LDLRAD3: variants seen among roughly 807,000 people sequenced by gnomAD.
LDLRAD3 encodes low-density lipoprotein receptor class A domain-containing protein 3.
In LDLRAD3, 20 loss-of-function variants were observed where a neutral mutation model predicts 29.4. The observed-to-expected ratio is 0.68, with a 90% CI of 0.48 to 0.99. The LOEUF is 0.99. Ranked by LOEUF, LDLRAD3 falls within the 50% of genes least tolerant of loss-of-function variation. The pLI is 0.00. For missense variants in LDLRAD3, 420 were observed against 454.3 expected (o/e 0.92, Z 0.69); for synonymous variants, 157 against 192.7 (o/e 0.81, Z 1.53).
chr11:36,178,196 CT>C (rs1854706658), intron 4 of LDLRAD3, among the ~76,000 whole-genome samples: 1 of 152,158 alleles, frequency 6.6e-6, no homozygotes, highest in Admixed American at 6.5e-5. Context: ...TTTTATACCA[CT>C]TTGTTCTCAA....
At chr11:35,967,608 C>G (rs969499441) in intron 1 of LDLRAD3, 19 of 455,394 alleles carry the variant, frequency 4.2e-5, no homozygotes, top group African/African-American at 3.9e-4. Context: ...AGAAACTAAT[C>G]AGCTTCATTT....
chr11:36,032,978 G>A (rs1230999967), intron 1 of LDLRAD3, among the ~76,000 whole-genome samples: 6 of 151,768 alleles, frequency 4.0e-5, no homozygotes, highest in African/African-American at 9.7e-5. Context: ...GGGTTCAAGC[G>A]ATTCTCCTGC....
rs1855305703 is a variant in LDLRAD3, at chr11:36,213,079, C to T, written c.455-14006C>T. ...TCTCTTTCTCTCCCCCTCGCTCCCT[C>T]CCTCTCTCCCTCCCTGTTCCTCTTC... On this transcript the variant is annotated intron_variant, in intron 4 of 5. Transcript: ENST00000315571. This position sits in a 1 kb window ranked among gnomAD's most constrained non-coding sequence, Gnocchi z 4.1. 6.7e-6 allele frequency among the ~76,000 whole-genome samples: 1 copy of T among 149,622 alleles called. No homozygotes were observed. The highest frequency in any genetic ancestry group is 1.5e-5 in the Non-Finnish European group (1 of 67,486).
intron 1 of LDLRAD3, among the ~76,000 whole-genome samples, chr11:35,979,054 T>G (rs2133154856): frequency 6.6e-6 from 1 of 152,334 alleles, no homozygotes; most frequent in Admixed American, 6.5e-5. Context: ...ACACATTGAA[T>G]AATGCTCCAC....
At chr11:36,033,778 T>C (rs1322760533) in intron 1 of LDLRAD3, among the ~76,000 whole-genome samples, 1 of 152,150 alleles carries the variant, frequency 6.6e-6, no homozygotes, top group Non-Finnish European at 1.5e-5. Context: ...TGCCTGGAGA[T>C]GGTGAATTGG....
chr11:35,959,447 A>G (rs921092208), intron 1 of LDLRAD3, among the ~76,000 whole-genome samples: 5 of 152,222 alleles, frequency 3.3e-5, no homozygotes, highest in Non-Finnish European at 7.3e-5. Context: ...AATGTTTATT[A>G]AGCCTAGATG....
intron 4 of LDLRAD3, among the ~76,000 whole-genome samples, chr11:36,112,023 C>T (rs4756279): frequency 3.1e-4 from 47 of 152,352 alleles, no homozygotes; most frequent in Non-Finnish European, 5.7e-4. Flanking sequence ...AAATTTGCAT[C>T]AGTAGGTCAG....
At chr11:36,185,711 C>T (rs541049264) in intron 4 of LDLRAD3, among the ~76,000 whole-genome samples, 6 of 152,278 alleles carry the variant, frequency 3.9e-5, no homozygotes, top group Non-Finnish European at 8.8e-5. Context: ...CACATTATTG[C>T]TCTCCCTTCA....
intron 4 of LDLRAD3, among the ~76,000 whole-genome samples, chr11:36,140,853 G>A (rs761709978): frequency 2.0e-5 from 3 of 152,134 alleles, no homozygotes; most frequent in Non-Finnish European, 2.9e-5. Flanking sequence ...CTAGGAGCAC[G>A]AGGGGTGAGC....
chr11:36,111,217 A>T (rs963876673), intron 4 of LDLRAD3, among the ~76,000 whole-genome samples: 2 of 152,170 alleles, frequency 1.3e-5, no homozygotes, highest in Non-Finnish European at 2.9e-5. Context: ...AATTCTGCTT[A>T]TCCTTGTGTC....
chr11:36,046,594 A>T (rs1001305877), intron 2 of LDLRAD3, among the ~76,000 whole-genome samples: 1 of 152,126 alleles, frequency 6.6e-6, no homozygotes, highest in Non-Finnish European at 1.5e-5. Context: ...TAACTTCATT[A>T]TATCAGCAAA....
intron 2 of LDLRAD3, among the ~76,000 whole-genome samples, chr11:36,041,697 G>A (rs1852383856): frequency 6.6e-6 from 1 of 152,190 alleles, no homozygotes; most frequent in Non-Finnish European, 1.5e-5. Flanking sequence ...TCTTTTTCCA[G>A]TTCTGTGTTG....
At position 36,166,237 on chromosome 11, in the gene LDLRAD3, T is replaced by C. The variant is rs150656042; in HGVS notation, c.455-60848T>C. On this transcript the variant is annotated intron_variant, in intron 4 of 5. Coordinates refer to ENST00000315571, the MANE Select transcript of LDLRAD3 (RefSeq NM_174902.4). ...ACAGTTCATTAAAAATTCATACATA[T>C]GGATCTGGAAATGAAACATTGCTCC... Among the ~76,000 whole-genome samples, 321 of 152,264 alleles carry C rather than the reference T, an allele frequency of 2.1e-3. 1 individual carries two copies. The highest frequency in any genetic ancestry group is 0.01 in the Middle Eastern group (3 of 294).
rs1851291814 is a variant in LDLRAD3 at position 35,962,635 on chromosome 11, G to C, written c.46+18491G>C. Among the ~76,000 whole-genome samples the C allele has an allele frequency of 2.0e-5, 3 of 152,294 alleles. No individual in the cohort carries two copies. The South Asian group carries it at 6.2e-4, about 32-fold the overall frequency. On this transcript the variant is annotated intron_variant, in intron 1 of 5. Transcript: ENST00000315571. ...AAAGAGCCTCAAAGATTATGAAATA[G>C]AAATGCCCTTTCTCTAAGCATATTT...
intron 4 of LDLRAD3, among the ~76,000 whole-genome samples, chr11:36,126,292 A>G (rs1031146026): frequency 2.6e-5 from 4 of 152,046 alleles, no homozygotes; most frequent in African/African-American, 9.7e-5. Flanking sequence ...CTGGGCGTGA[A>G]TCTGCTCATC....
chr11:36,083,972 G>A (rs1266175885), intron 3 of LDLRAD3, among the ~76,000 whole-genome samples: 1 of 151,952 alleles, frequency 6.6e-6, no homozygotes, highest in African/African-American at 2.4e-5. Flanking sequence ...AGGCTGGAGT[G>A]CAGTGGTGCC....
chr11:36,014,791 T>C (rs969223499), intron 1 of LDLRAD3, among the ~76,000 whole-genome samples: 5 of 152,244 alleles, frequency 3.3e-5, no homozygotes, highest in Admixed American at 3.3e-4. Flanking sequence ...TCATCAAACA[T>C]AAATTATTCT....
At chr11:36,081,842 A>G in intron 3 of LDLRAD3, 64 bp downstream of exon 3, 3 of 1,596,216 alleles carry the variant, frequency 1.9e-6, no homozygotes, top group Admixed American at 1.7e-5. Flanking sequence ...ACTTGTCCAC[A>G]TTGGTCACCC....
At chr11:36,015,000 TG>T (rs1279321211) in intron 1 of LDLRAD3, among the ~76,000 whole-genome samples, 2 of 152,182 alleles carry the variant, frequency 1.3e-5, no homozygotes, top group Non-Finnish European at 2.9e-5. Context: ...GAAAGTGAGT[TG>T]GATTGTAACT....
Sources: allele counts gnomAD v4.1 joint callset (sites outside exome capture counted in the v4.1 genomes callset), GRCh38; gene constraint gnomAD v4.1.1; non-coding constraint Gnocchi (gnomAD v3.1); transcripts MANE v1.5; gene names NCBI Gene and HGNC (gene_info 2026-07-23, HGNC 2026-07-21).